LSAMP: variants seen among roughly 807,000 people sequenced by gnomAD.
LSAMP encodes the protein limbic system-associated membrane protein.
Under a neutral mutation model 38.6 loss-of-function variants are expected in LSAMP, and 7 were observed. The ratio of observed to expected loss-of-function variants is 0.18; its 90% CI spans 0.10 to 0.34. The LOEUF (loss-of-function observed/expected upper bound fraction) is 0.34. Among genes scored for constraint, LSAMP ranks in the 10% least tolerant of loss-of-function variants. LSAMP has a pLI of 1.00. For missense variants in LSAMP, 313 were observed against 420.0 expected (o/e 0.75, Z 2.23); for synonymous variants, 154 against 166.8 (o/e 0.92, Z 0.59).
chr3:116,047,570 A>C (rs539378387), intron 2 of LSAMP, among the ~76,000 whole-genome samples: 1 of 151,924 alleles, frequency 6.6e-6, no homozygotes, highest in South Asian at 2.1e-4. Flanking sequence ...CCACTTCTAC[A>C]TGCATGCATC....
intron 1 of LSAMP, among the ~76,000 whole-genome samples, chr3:116,103,730 G>A (rs1180607680): frequency 6.6e-6 from 1 of 151,792 alleles, no homozygotes; most frequent in African/African-American, 2.4e-5. Context: ...CATGTCACAC[G>A]ATGCTTCACA....
At chr3:116,367,495 C>CT (rs751600891) in intron 1 of LSAMP, among the ~76,000 whole-genome samples, 13,859 of 133,256 alleles carry the variant, frequency 0.1, 744 homozygotes, top group African/African-American at 0.12. Context: ...TATTTTCTTC[C>CT]TTTTTTTTTT....
At chr3:115,986,004 C>T (rs1238755051) in intron 3 of LSAMP, among the ~76,000 whole-genome samples, 1 of 151,998 alleles carries the variant, frequency 6.6e-6, no homozygotes, top group African/African-American at 2.4e-5. Flanking sequence ...AATACAACTG[C>T]TTTTGGAAGA....
At chr3:116,256,728 T>G (rs1386817259) in intron 1 of LSAMP, among the ~76,000 whole-genome samples, 1 of 152,144 alleles carries the variant, frequency 6.6e-6, no homozygotes, top group Non-Finnish European at 1.5e-5. Flanking sequence ...TGTGTCAGTC[T>G]CACCTCACTT....
At chr3:116,203,068 C>T (rs926177896) in intron 1 of LSAMP, among the ~76,000 whole-genome samples, 3 of 152,204 alleles carry the variant, frequency 2.0e-5, no homozygotes, top group Non-Finnish European at 4.4e-5. Flanking sequence ...ATCATATTTT[C>T]TACAAATAAT....
intron 1 of LSAMP, among the ~76,000 whole-genome samples, chr3:116,199,322 G>A (rs1369761098): frequency 6.6e-6 from 1 of 152,144 alleles, no homozygotes; most frequent in Admixed American, 6.6e-5. Flanking sequence ...CTTCCAGGAT[G>A]CCTTTCCTGA....
intron 2 of LSAMP, among the ~76,000 whole-genome samples, chr3:116,057,259 T>G (rs1380692591): frequency 1.3e-5 from 2 of 152,206 alleles, no homozygotes; most frequent in African/African-American, 4.8e-5. Flanking sequence ...CAACCAGGTA[T>G]TAGATTATAG....
intron 3 of LSAMP, among the ~76,000 whole-genome samples, chr3:115,990,484 G>A (rs1939636473): frequency 6.6e-6 from 1 of 151,966 alleles, no homozygotes; most frequent in Non-Finnish European, 1.5e-5. Context: ...TGCATACAAG[G>A]TCATGTGTAA....
chr3:116,167,104 T>A (rs1710076524), intron 1 of LSAMP, among the ~76,000 whole-genome samples: 1 of 152,130 alleles, frequency 6.6e-6, no homozygotes, highest in African/African-American at 2.4e-5. Flanking sequence ...AAATTTTTAA[T>A]TTTTTTAAAT....
At chr3:116,138,878 G>A (rs1024400539) in intron 1 of LSAMP, among the ~76,000 whole-genome samples, 2 of 150,262 alleles carry the variant, frequency 1.3e-5, no homozygotes, top group African/African-American at 4.9e-5. Flanking sequence ...ATTGGCAGGT[G>A]GCAGCCAAAG....
chr3:115,986,650 G>A (rs2107635644), intron 3 of LSAMP, among the ~76,000 whole-genome samples: 1 of 151,410 alleles, frequency 6.6e-6, no homozygotes, highest in South Asian at 2.1e-4. Flanking sequence ...GTAGGTGAGT[G>A]ATCATCTCTA....
At chr3:115,905,997 C>T (rs535978816) in intron 3 of LSAMP, among the ~76,000 whole-genome samples, 1 of 152,262 alleles carries the variant, frequency 6.6e-6, no homozygotes, top group East Asian at 1.9e-4. Flanking sequence ...AAACAGCAAA[C>T]ATGACTTTTG....
intron 2 of LSAMP, among the ~76,000 whole-genome samples, chr3:116,082,687 C>T (rs1034160423): frequency 6.6e-6 from 1 of 152,060 alleles, no homozygotes; most frequent in African/African-American, 2.4e-5. Flanking sequence ...ATATATACAC[C>T]ATGAAATATT....
intron 3 of LSAMP, among the ~76,000 whole-genome samples, chr3:115,927,540 C>T (rs1937517496): frequency 6.6e-6 from 1 of 152,138 alleles, no homozygotes; most frequent in Non-Finnish European, 1.5e-5. Context: ...CCCACATAAC[C>T]ATGGTTATGT....
chr3:116,419,531 G>C (rs1408798993), intron 1 of LSAMP, among the ~76,000 whole-genome samples: 1 of 152,196 alleles, frequency 6.6e-6, no homozygotes, highest in African/African-American at 2.4e-5. Context: ...GAAGCCAGGA[G>C]AGGAGAAAAG....
chr3:116,129,957 A>C (rs981345835), intron 1 of LSAMP, among the ~76,000 whole-genome samples: 1 of 152,100 alleles, frequency 6.6e-6, no homozygotes, highest in Non-Finnish European at 1.5e-5. Context: ...TTTAATATTC[A>C]CTGTATTCTG....
intron 1 of LSAMP, among the ~76,000 whole-genome samples, chr3:116,347,669 A>G (rs745662054): frequency 6.6e-6 from 1 of 152,168 alleles, no homozygotes; most frequent in Non-Finnish European, 1.5e-5. Context: ...CAGTAAAATA[A>G]AAGGGTAAGC....
intron 2 of LSAMP, among the ~76,000 whole-genome samples, chr3:116,076,517 A>AAAGTG (rs1707747751): frequency 6.6e-6 from 1 of 152,170 alleles, no homozygotes; most frequent in Non-Finnish European, 1.5e-5. Flanking sequence ...TCAGCCTCCC[A>AAAGTG]AAGTGCTGGG....
chr3:116,252,998 G>A (rs1417213821), intron 1 of LSAMP, among the ~76,000 whole-genome samples: 1 of 152,118 alleles, frequency 6.6e-6, no homozygotes, highest in African/African-American at 2.4e-5. Flanking sequence ...AGCCCTTTCT[G>A]GACTTCTCGA....
Sources: allele counts gnomAD v4.1 joint callset (sites outside exome capture counted in the v4.1 genomes callset), GRCh38; gene constraint gnomAD v4.1.1; transcripts MANE v1.5; gene names NCBI Gene and HGNC (gene_info 2026-07-23, HGNC 2026-07-21).